POLR3A: variants seen among roughly 807,000 people sequenced by gnomAD.
The protein encoded by POLR3A is RNA polymerase III subunit A.
POLR3A carries 112 observed loss-of-function variants against 152.8 expected under a neutral mutation model. The ratio of observed to expected loss-of-function variants is 0.73; its 90% confidence interval spans 0.63 to 0.86. The LOEUF (loss-of-function observed/expected upper bound fraction) is 0.86. POLR3A is among the 40% of genes least tolerant of loss of function. POLR3A has a pLI of 0.00. For synonymous variants in POLR3A, 615 were observed against 652.1 expected, an observed-to-expected ratio of 0.94 and a Z score of 0.87; for missense variants, 1,385 against 1,743.1, an observed-to-expected ratio of 0.79 and a Z score of 3.66.
chr10:77,984,042 C>T lies in POLR3A; in HGVS notation c.3337-30G>A, dbSNP rs147432721. 4.4e-3 allele frequency: 6,500 copies of T among 1,494,070 alleles called. 31 individuals carry two copies. The highest frequency in any genetic ancestry group is 5.0e-3 in the Non-Finnish European group (5,397 of 1,073,236). 92.6% of individuals were successfully genotyped at this position (1,494,070 alleles called of 1,614,324 possible). A position where few individuals can be genotyped will look rare whatever the true frequency, so the allele number is the denominator to read the frequency against. On this transcript the variant is annotated intron_variant, in intron 25 of 30. Coordinates refer to ENST00000372371, the MANE Select transcript of POLR3A (RefSeq NM_007055.4). ...AGTGTCAAAAGATCAGACTGTTAAT[C>T]AGCCGCTTTCCCCTTTCCTAAGAGC...
At chr10:78,005,156 T>C (rs1246861530) in intron 15 of POLR3A, among the ~76,000 whole-genome samples, 1 of 152,164 alleles carries the variant, frequency 6.6e-6, no homozygotes, top group African/African-American at 2.4e-5. Flanking sequence ...GGAAACACAA[T>C]ACCGTTTCCA....
chr10:78,020,862 G>A (rs1847572689), intron 8 of POLR3A, among the ~76,000 whole-genome samples: 2 of 152,290 alleles, frequency 1.3e-5, no homozygotes, highest in South Asian at 4.1e-4. Flanking sequence ...CTTTGACTCA[G>A]TGACTGTAAA....
intron 18 of POLR3A, 130 bp downstream of exon 18, chr10:78,000,846 G>T (rs1272890595): frequency 9.0e-6 from 6 of 667,834 alleles, no homozygotes; most frequent in South Asian, 1.4e-5. Context: ...TAATAAAATG[G>T]CAAAAAATAC....
At position 77,995,611 on chromosome 10, in the gene POLR3A, C is replaced by T. The variant is rs1040784372; in HGVS notation, c.2617-2244G>A. Among the ~76,000 whole-genome samples the T allele has an allele frequency of 3.3e-5, 5 of 152,162 alleles. No individual in the cohort carries two copies. The East Asian group carries it at 9.7e-4, about 29-fold the overall frequency. On this transcript the variant is annotated intron_variant, in intron 19 of 30. Coordinates refer to ENST00000372371, the MANE Select transcript of POLR3A (RefSeq NM_007055.4). ...GGATCAATTCAACAAGAAGAGCTAA[C>T]TATCCTAAATATATATGCACCCAAT...
intron 3 of POLR3A, among the ~76,000 whole-genome samples, 179 bp from the exon 4 acceptor site, chr10:78,025,321 C>T (rs575069448): frequency 3.9e-5 from 6 of 152,272 alleles, no homozygotes; most frequent in African/African-American, 9.6e-5. Context: ...ATTAGCAGTA[C>T]TCACAGCCAG....
chr10:78,021,119 C>T (rs766075688), intron 8 of POLR3A, among the ~76,000 whole-genome samples: 5 of 152,104 alleles, frequency 3.3e-5, no homozygotes, highest in Non-Finnish European at 5.9e-5. Context: ...CGCCTGCCAC[C>T]ACTCCTGGCT....
intron 1 of POLR3A, among the ~76,000 whole-genome samples, chr10:78,029,068 C>T (rs1045353574): frequency 6.6e-6 from 1 of 152,160 alleles, no homozygotes; most frequent in Non-Finnish European, 1.5e-5. Context: ...GAACAGGGAT[C>T]ATTGTATGAC....
At chr10:77,989,097 A>T (rs752027136) in intron 21 of POLR3A, among the ~76,000 whole-genome samples, 7 of 152,228 alleles carry the variant, frequency 4.6e-5, no homozygotes, top group Middle Eastern at 3.2e-3. Flanking sequence ...ATTAGGTTTA[A>T]AAATAAAAAA....
chr10:77,986,921 G>C (rs1847203912), intron 21 of POLR3A, among the ~76,000 whole-genome samples: 1 of 152,188 alleles, frequency 6.6e-6, no homozygotes, highest in South Asian at 2.1e-4. Flanking sequence ...ATCAGAGCAG[G>C]GCTAGAGACT....
chr10:77,991,952 A>G (rs1847253696), intron 20 of POLR3A, among the ~76,000 whole-genome samples: 1 of 152,228 alleles, frequency 6.6e-6, no homozygotes, highest in Non-Finnish European at 1.5e-5. Flanking sequence ...CCTTTACTGT[A>G]AGCAGCGTAG....
rs1035585270 is a variant in POLR3A at position 77,977,149 on chromosome 10, G to C, written c.*329C>G. On this transcript the variant is annotated 3_prime_UTR_variant, in exon 31 of 31. Coordinates refer to ENST00000372371, the MANE Select transcript of POLR3A (RefSeq NM_007055.4). ...GGGAGCCGATGGATGTATGCAGTGA[G>C]CTGGGATGGACCATGACACCTGGCT... 29 of 376,330 alleles carry C rather than the reference G, an allele frequency of 7.7e-5. No individual in the cohort carries two copies. Among genetic ancestry groups the C allele is most frequent in the Admixed American group, 4.5e-4 (12 of 26,562 alleles). 23.3% of individuals were successfully genotyped at this position (376,330 alleles called of 1,614,324 possible). A position where few individuals can be genotyped will look rare whatever the true frequency, so the allele number is the denominator to read the frequency against.
chr10:77,980,117 T>A, intron 30 of POLR3A, 24 bp downstream of exon 30: 1 of 1,611,184 alleles, frequency 6.2e-7, no homozygotes, highest in Non-Finnish European at 8.5e-7. Flanking sequence ...CCTTTGATGC[T>A]GTTCATAGAA....
chr10:78,001,361 GC>G (rs529458422), intron 17 of POLR3A, among the ~76,000 whole-genome samples: 64 of 152,120 alleles, frequency 4.2e-4, no homozygotes, highest in Non-Finnish European at 7.8e-4. Context: ...GGAGGCTTCA[GC>G]AAGTCCAGGT....
chr10:78,024,043 T>G (rs1244065317), intron 5 of POLR3A, among the ~76,000 whole-genome samples: 3 of 152,072 alleles, frequency 2.0e-5, no homozygotes, highest in African/African-American at 7.2e-5. Context: ...TAGTGCCAGA[T>G]AAACACTGTT....
chr10:78,005,106 G>A, intron 15 of POLR3A, among the ~76,000 whole-genome samples: 1 of 152,296 alleles, frequency 6.6e-6, no homozygotes, highest in South Asian at 2.1e-4. Context: ...AAATGACTAG[G>A]ACTCAACTGA....
At chr10:78,016,301 G>C (rs1170777311) in intron 10 of POLR3A, among the ~76,000 whole-genome samples, 1 of 151,864 alleles carries the variant, frequency 6.6e-6, no homozygotes, top group Non-Finnish European at 1.5e-5. Flanking sequence ...AGGCACAGTG[G>C]GTCATACCTA....
In POLR3A at chr10:78,007,765, A is replaced by G. The variant is rs1446265632; in HGVS notation, c.2011T>C (p.Trp671Arg). ...GCATCTGCAGCTTCATTCTGTCCCC[A>G]GTCTCGCAGCAAAATGTAAAAAATA... ...NNIFYILLRD[W>R]GQNEAADAMS... is the part of the protein sequence containing the mutation. Residue 671 changes from tryptophan (W) to arginine (R), a missense_variant, in exon 15 of 31, where the codon TGG becomes CGG. This residue lies in a region of POLR3A where 188 missense variants were observed against 179.9 expected (regional missense o/e 1.04). Transcript: ENST00000372371. The G allele has an allele frequency of 1.9e-6, 3 of 1,614,104 alleles. No individual in the cohort carries two copies. Among genetic ancestry groups the G allele is most frequent in the Non-Finnish European group, 1.7e-6 (2 of 1,179,960 alleles).
chr10:78,013,753 T>C lies in POLR3A; in HGVS notation c.1469A>G (p.Glu490Gly). The change falls in exon 11 of 31, where the codon GAG (glutamate) becomes GGG (glycine). Residue 490 changes from glutamate to glycine, a missense_variant. Coordinates refer to ENST00000372371, the MANE Select transcript of POLR3A (RefSeq NM_007055.4). ...AGCATTATAGGGTGTACAGACACACTCATTAAATCTGAAGGTCCGGTGGGG... is the reference window on the plus strand; with the variant it reads ...AGCATTATAGGGTGTACAGACACACCCATTAAATCTGAAGGTCCGGTGGGG... ...VKPHRTFRFN[E>G]CVCTPYNADF... 6.2e-7 allele frequency: 1 copy of C among 1,614,114 alleles called. No homozygotes were observed. Among genetic ancestry groups the C allele is most frequent in the Non-Finnish European group, 8.5e-7 (1 of 1,179,994 alleles).
In POLR3A at chr10:78,001,238, T is replaced by C. The variant is rs1288400178; in HGVS notation, c.2360-144A>G. The stretch of plus-strand genomic sequence containing the variant: ...GGAACAGTAGAAGACAGAAATACAA[T>C]CAAGACAACAAGGAGCTGTCAGGAA... On this transcript the variant is annotated intron_variant, in intron 17 of 30. Transcript: ENST00000372371. 3 of 605,602 alleles carry C rather than the reference T, an allele frequency of 5.0e-6. No homozygotes were observed. In the African/African-American group the frequency reaches 5.5e-5, roughly 11 times the overall value. The allele number at this position is 605,602 out of a possible 1,614,324, so 37.5% of individuals were successfully genotyped here.
Sources: allele counts gnomAD v4.1 joint callset (sites outside exome capture counted in the v4.1 genomes callset), GRCh38; gene constraint gnomAD v4.1.1; regional missense constraint gnomAD v4.1.1; transcripts MANE v1.5; gene names NCBI Gene and HGNC (gene_info 2026-07-23, HGNC 2026-07-21).